Variants in PABPC4L observed in about 807,000 individuals in gnomAD.
PABPC4L encodes poly(A) binding protein cytoplasmic 4 like.
For synonymous variants in PABPC4L, 169 were observed against 164.1 expected (o/e 1.03, Z -0.23); for missense variants, 452 against 451.4 (o/e 1.00, Z -0.01).
chr4:133,988,969 C>T, the PABPC4L span, among the ~76,000 whole-genome samples: 1 of 152,160 alleles, frequency 6.6e-6, no homozygotes, highest in African/African-American at 2.4e-5. Context: ...AGGCATGGAG[C>T]TTGCACCCTC....
the PABPC4L span, among the ~76,000 whole-genome samples, chr4:134,088,708 C>T: frequency 6.6e-6 from 1 of 152,034 alleles, no homozygotes. Flanking sequence ...GACACAAAAC[C>T]TGCTGGCACC....
the PABPC4L span, among the ~76,000 whole-genome samples, chr4:134,085,496 AT>A: frequency 1.3e-5 from 2 of 152,092 alleles, no homozygotes; most frequent in Non-Finnish European, 2.9e-5. Flanking sequence ...ATCTTGCTTA[AT>A]TATCACAAAG....
the PABPC4L span, among the ~76,000 whole-genome samples, chr4:134,107,647 T>C: frequency 2.0e-5 from 3 of 151,650 alleles, no homozygotes; most frequent in Non-Finnish European, 4.4e-5. Flanking sequence ...ATCTAACTTC[T>C]GGTATGTAGA....
At chr4:134,170,089 C>T in the PABPC4L span, among the ~76,000 whole-genome samples, 5 of 152,212 alleles carry the variant, frequency 3.3e-5, no homozygotes, top group African/African-American at 9.6e-5. Flanking sequence ...AGAACTGTGT[C>T]CATGTGAACT....
chr4:133,991,488 G>A, the PABPC4L span, among the ~76,000 whole-genome samples: 1 of 152,176 alleles, frequency 6.6e-6, no homozygotes, highest in Non-Finnish European at 1.5e-5. Flanking sequence ...GCAGGCTTGA[G>A]GGCTTGCAGG....
At chr4:134,115,312 T>A in the PABPC4L span, among the ~76,000 whole-genome samples, 3 of 151,824 alleles carry the variant, frequency 2.0e-5, no homozygotes, top group African/African-American at 7.2e-5. Context: ...AAGCTTATAG[T>A]CTACTATGAA....
the PABPC4L span, among the ~76,000 whole-genome samples, chr4:134,003,197 A>G: frequency 4.9e-4 from 74 of 152,084 alleles, no homozygotes; most frequent in African/African-American, 1.8e-3. Context: ...TTAACAAATT[A>G]AGACAAAGAA....
the PABPC4L span, among the ~76,000 whole-genome samples, chr4:133,965,030 C>T: frequency 1.3e-5 from 2 of 152,100 alleles, no homozygotes; most frequent in African/African-American, 2.4e-5. Context: ...GTCAAACTGT[C>T]ACTGTTTATT....
chr4:134,131,762 A>G, the PABPC4L span, among the ~76,000 whole-genome samples: 1 of 146,202 alleles, frequency 6.8e-6, no homozygotes, highest in Non-Finnish European at 1.5e-5. Context: ...AGCCAAAGCA[A>G]GACTAAGAAA....
the PABPC4L span, among the ~76,000 whole-genome samples, chr4:134,162,841 G>C: frequency 6.6e-6 from 1 of 151,922 alleles, no homozygotes; most frequent in Admixed American, 6.6e-5. Context: ...AAGGTATAAA[G>C]ACCTCTGGGA....
At chr4:134,142,738 T>C in the PABPC4L span, among the ~76,000 whole-genome samples, 116,649 of 151,274 alleles carry the variant, frequency 0.77, 46,380 homozygotes, top group East Asian at 1. Flanking sequence ...AATTTAGTGT[T>C]TCTAATATGA....
chr4:134,141,842 T>C, the PABPC4L span, among the ~76,000 whole-genome samples: 8 of 151,656 alleles, frequency 5.3e-5, no homozygotes, highest in East Asian at 1.9e-4. Flanking sequence ...TTCTGAAACA[T>C]TGAGCACTGT....
At chr4:134,000,524 C>T in the PABPC4L span, among the ~76,000 whole-genome samples, 2 of 152,066 alleles carry the variant, frequency 1.3e-5, no homozygotes, top group African/African-American at 4.8e-5. Flanking sequence ...AATCTTAACC[C>T]TTTAAACATC....
chr4:134,063,937 A>C, the PABPC4L span, among the ~76,000 whole-genome samples: 1 of 152,150 alleles, frequency 6.6e-6, no homozygotes, highest in African/African-American at 2.4e-5. Context: ...TGAGAAAATT[A>C]ATCAGATATT....
the PABPC4L span, among the ~76,000 whole-genome samples, chr4:134,093,687 A>T: frequency 1.3e-5 from 2 of 151,088 alleles, no homozygotes; most frequent in Non-Finnish European, 3.0e-5. Flanking sequence ...AAATTCAAAT[A>T]GCTTTTCCTC....
chr4:134,050,706 C>CCAAAAAAAAAAAAAAAAAAAAAAAAA, the PABPC4L span, among the ~76,000 whole-genome samples: 1 of 83,018 alleles, frequency 1.2e-5, no homozygotes, highest in African/African-American at 5.3e-5. Context: ...CACCGTCTCC[C>CCAAAAAAAAAAAAAAAAAAAAAAAAA]AAAAAAAAAA....
chr4:133,986,238 T>G, the PABPC4L span, among the ~76,000 whole-genome samples: 1 of 152,118 alleles, frequency 6.6e-6, no homozygotes, highest in East Asian at 1.9e-4. Flanking sequence ...ATTTTTCCAT[T>G]TATAACATAA....
the PABPC4L span, among the ~76,000 whole-genome samples, chr4:134,072,785 C>T: frequency 1.3e-5 from 2 of 152,170 alleles, no homozygotes; most frequent in Admixed American, 1.3e-4. Context: ...AAAGGGGAAG[C>T]AAACACATCC....
At chr4:133,988,460 G>C in the PABPC4L span, among the ~76,000 whole-genome samples, 1,750 of 152,248 alleles carry the variant, frequency 0.011, 29 homozygotes, top group African/African-American at 0.033. Context: ...CCCCATACAA[G>C]TTCAAAATCT....
Sources: gnomAD v4.1 joint callset for allele counts (sites outside exome capture counted in the v4.1 genomes callset) on GRCh38, gnomAD v4.1.1 for gene constraint, MANE v1.5 for transcripts, NCBI Gene and HGNC (gene_info 2026-07-23, HGNC 2026-07-21) for gene names.